Variants in HSD17B12 observed in about 807,000 individuals in gnomAD.
The protein encoded by HSD17B12 is hydroxysteroid 17-beta dehydrogenase 12.
A neutral mutation model predicts 39.3 loss-of-function variants in HSD17B12; 32 were observed. The observed-to-expected ratio is 0.81, with a 90% confidence interval of 0.61 to 1.09. The LOEUF is 1.09. HSD17B12 is among the 50% of genes least tolerant of loss of function. The pLI is 0.00. For synonymous variants in HSD17B12, 150 were observed against 146.7 expected, an observed-to-expected ratio of 1.02 and a Z score of -0.16; for missense variants, 342 against 382.9, an observed-to-expected ratio of 0.89 and a Z score of 0.89.
intron 1 of HSD17B12, among the ~76,000 whole-genome samples, chr11:43,714,503 A>G (rs182234457): frequency 6.6e-6 from 1 of 152,356 alleles, no homozygotes; most frequent in East Asian, 1.9e-4. Flanking sequence ...TGGTACCAGT[A>G]TCATGCTGTT....
At position 43,681,110 on chromosome 11, in the gene HSD17B12, T is replaced by A. The variant is rs1949740161; in HGVS notation, c.160+123T>A. The A allele has an allele frequency of 6.6e-6, 9 of 1,356,602 alleles. No homozygotes were observed. The South Asian group carries it at 1.5e-4, about 23-fold the overall frequency. 84.0% of individuals were successfully genotyped at this position (1,356,602 alleles called of 1,614,324 possible). A position where few individuals can be genotyped will look rare whatever the true frequency, so the allele number is the denominator to read the frequency against. On this transcript the variant is annotated intron_variant, in intron 1 of 10. Coordinates refer to ENST00000278353, the MANE Select transcript of HSD17B12 (RefSeq NM_016142.3). ...TCCCCAGCTCTCCTCTTTCTCAGGCTCCTGTGCCCCGCGGGCCCCTCCTGG... is the reference window on the plus strand; with the variant it reads ...TCCCCAGCTCTCCTCTTTCTCAGGCACCTGTGCCCCGCGGGCCCCTCCTGG...
intron 1 of HSD17B12, among the ~76,000 whole-genome samples, chr11:43,731,136 A>G (rs1289518408): frequency 6.6e-6 from 1 of 152,084 alleles, no homozygotes; most frequent in East Asian, 1.9e-4. Context: ...AGCTGAGATT[A>G]CAGGTGCACA....
chr11:43,649,452 A>G, the HSD17B12 span, among the ~76,000 whole-genome samples: 1 of 152,230 alleles, frequency 6.6e-6, no homozygotes, highest in Non-Finnish European at 1.5e-5. Context: ...AGAATTCTAA[A>G]TTAAAACTTG....
the HSD17B12 span, among the ~76,000 whole-genome samples, chr11:43,664,596 G>A: frequency 6.6e-6 from 1 of 152,126 alleles, no homozygotes; most frequent in South Asian, 2.1e-4. Flanking sequence ...CATGGCTATT[G>A]TTCTAGGCTA....
At chr11:43,689,017 G>A (rs1304142698) in intron 1 of HSD17B12, among the ~76,000 whole-genome samples, 1 of 152,158 alleles carries the variant, frequency 6.6e-6, no homozygotes, top group Admixed American at 6.5e-5. Context: ...CACTCAGCAG[G>A]TATACACTTG....
At chr11:43,564,798 GT>G in the HSD17B12 span, among the ~76,000 whole-genome samples, 1 of 152,052 alleles carries the variant, frequency 6.6e-6, no homozygotes, top group African/African-American at 2.4e-5. Flanking sequence ...AGAGCAGCAA[GT>G]TATTCCATTA....
intron 1 of HSD17B12, among the ~76,000 whole-genome samples, chr11:43,715,809 A>G (rs1950117034): frequency 6.6e-6 from 1 of 151,976 alleles, no homozygotes; most frequent in Admixed American, 6.6e-5. Context: ...TGAATTTTTA[A>G]TTTTGTTTCA....
intron 3 of HSD17B12, among the ~76,000 whole-genome samples, chr11:43,788,180 T>C (rs944381959): frequency 6.6e-6 from 1 of 152,182 alleles, no homozygotes; most frequent in African/African-American, 2.4e-5. Context: ...TTATCCTGCA[T>C]GGAAAATTGG....
the HSD17B12 span, among the ~76,000 whole-genome samples, chr11:43,563,075 C>A: frequency 1.3e-5 from 2 of 152,184 alleles, no homozygotes; most frequent in Non-Finnish European, 2.9e-5. Context: ...ACTCCTCACC[C>A]AGGTCTTGTA....
At chr11:43,690,430 G>C in intron 1 of HSD17B12, among the ~76,000 whole-genome samples, 1 of 74,842 alleles carries the variant, frequency 1.3e-5, no homozygotes, top group Non-Finnish European at 2.3e-5. Context: ...TTCTGAGACA[G>C]GGTCTCACTA....
chr11:43,694,696 A>G (rs1272557588), intron 1 of HSD17B12, among the ~76,000 whole-genome samples: 1 of 152,092 alleles, frequency 6.6e-6, no homozygotes, highest in Non-Finnish European at 1.5e-5. Context: ...TCAAAAAAGA[A>G]ACATAAAAGT....
At chr11:43,779,457 A>G (rs116862104) in intron 3 of HSD17B12, among the ~76,000 whole-genome samples, 1,634 of 152,270 alleles carry the variant, frequency 0.011, 10 homozygotes, top group Non-Finnish European at 0.016. Flanking sequence ...AAATACCAAG[A>G]GCTGTTTCTG....
At chr11:43,716,756 TAA>T (rs1950127314) in intron 1 of HSD17B12, among the ~76,000 whole-genome samples, 2 of 144,820 alleles carry the variant, frequency 1.4e-5, no homozygotes, top group Non-Finnish European at 3.0e-5. Context: ...TATATATATA[TAA>T]AATATATATG....
intron 1 of HSD17B12, among the ~76,000 whole-genome samples, chr11:43,731,898 G>A (rs1180898329): frequency 6.6e-6 from 1 of 152,164 alleles, no homozygotes; most frequent in Non-Finnish European, 1.5e-5. Context: ...TCGGGGTGGA[G>A]TTTTCGATCT....
intron 3 of HSD17B12, among the ~76,000 whole-genome samples, chr11:43,784,184 A>G (rs1235045468): frequency 6.6e-6 from 1 of 152,138 alleles, no homozygotes; most frequent in Admixed American, 6.5e-5. Flanking sequence ...TCGAGTAAGC[A>G]TGGGAAACGT....
the HSD17B12 span, among the ~76,000 whole-genome samples, chr11:43,616,031 A>C: frequency 6.6e-6 from 1 of 152,328 alleles, no homozygotes; most frequent in South Asian, 2.1e-4. Flanking sequence ...TAAAAAAATG[A>C]AGAGAAGGGG....
intron 3 of HSD17B12, among the ~76,000 whole-genome samples, chr11:43,796,603 A>G (rs1277273421): frequency 6.6e-6 from 1 of 152,220 alleles, no homozygotes; most frequent in Non-Finnish European, 1.5e-5. Context: ...CAACATATCT[A>G]TACAAAACTC....
the HSD17B12 span, among the ~76,000 whole-genome samples, chr11:43,617,089 C>T: frequency 6.6e-6 from 1 of 152,028 alleles, no homozygotes; most frequent in East Asian, 1.9e-4. Flanking sequence ...GAGATGGACA[C>T]TCTATTGGTC....
chr11:43,790,425 T>A (rs1950856452), intron 3 of HSD17B12, among the ~76,000 whole-genome samples: 1 of 152,184 alleles, frequency 6.6e-6, no homozygotes, highest in Admixed American at 6.5e-5. Flanking sequence ...CAGCCATCTT[T>A]GTAGATATTG....
Sources: allele counts gnomAD v4.1 joint callset (sites outside exome capture counted in the v4.1 genomes callset), GRCh38; gene constraint gnomAD v4.1.1; transcripts MANE v1.5; gene names NCBI Gene and HGNC (gene_info 2026-07-23, HGNC 2026-07-21).